The following ABCD3 variants were observed in gnomAD, a reference collection of about 807,000 sequenced individuals.
ABCD3 encodes ATP binding cassette subfamily D member 3.
A neutral mutation model predicts 105.5 loss-of-function variants in ABCD3; 41 were observed. The observed-to-expected ratio is 0.39, with a 90% CI of 0.30 to 0.50. The LOEUF is 0.50. ABCD3 is among the 20% of genes least tolerant of loss of function. The pLI, the probability that ABCD3 is intolerant of heterozygous loss-of-function variation, is 0.84. For synonymous variants in ABCD3, 258 were observed against 269.0 expected, an observed-to-expected ratio of 0.96 and a Z score of 0.40; for missense variants, 622 against 806.3, an observed-to-expected ratio of 0.77 and a Z score of 2.77.
intron 1 of ABCD3, among the ~76,000 whole-genome samples, chr1:94,434,376 A>G (rs111365688): frequency 3.3e-5 from 5 of 152,190 alleles, no homozygotes; most frequent in African/African-American, 1.2e-4. Flanking sequence ...ACACTCTAAT[A>G]TAATGATGAA....
At chr1:94,480,749 T>A in intron 9 of ABCD3, 143 bp downstream of exon 9, 1 of 906,744 alleles carries the variant, frequency 1.1e-6, no homozygotes. Context: ...TGAAAGAGAC[T>A]AGTTTTATAA....
chr1:94,485,285 G>A (rs758602274), intron 10 of ABCD3, among the ~76,000 whole-genome samples: 8 of 152,174 alleles, frequency 5.3e-5, no homozygotes, highest in Non-Finnish European at 1.2e-4. Context: ...CACTCCAGGT[G>A]CTAAGGATGA....
At chr1:94,450,365 ATC>A (rs1193779504) in intron 1 of ABCD3, among the ~76,000 whole-genome samples, 1 of 152,178 alleles carries the variant, frequency 6.6e-6, no homozygotes, top group African/African-American at 2.4e-5. Flanking sequence ...CATAAACAAA[ATC>A]TCTGCAGTAC....
rs762615705 is a variant in ABCD3 at position 94,478,326 on chromosome 1, T to C, written c.684+11T>C. 6.9e-6 allele frequency: 11 copies of C among 1,587,890 alleles called. No individual in the cohort carries two copies. Among genetic ancestry groups the C allele is most frequent in the Non-Finnish European group, 8.6e-6 (10 of 1,158,446 alleles). On this transcript the variant is annotated intron_variant, in intron 8 of 22. Coordinates refer to ENST00000370214, the MANE Select transcript of ABCD3 (RefSeq NM_002858.4). ...GCAATTGGAGCTCAGGTGAGTCTGC[T>C]TTTATTTCAACTTTTAAATTGATAT... is the stretch of plus-strand genomic sequence containing the variant.
In ABCD3 at chr1:94,518,135, T is replaced by C. The variant is rs1651011319; in HGVS notation, c.*1006T>C. On this transcript the variant is annotated 3_prime_UTR_variant, in exon 23 of 23. Coordinates refer to ENST00000370214, the MANE Select transcript of ABCD3 (RefSeq NM_002858.4). ...GGTGAATTATGTTTCCGAGGCACTG[T>C]TTTATCTCTGTGAATCTTGAATAAC... is the stretch of plus-strand genomic sequence containing the variant. The C allele has an allele frequency of 6.6e-6, 1 of 152,180 alleles. No homozygotes were observed. Among genetic ancestry groups the C allele is most frequent in the African/African-American group, 2.4e-5 (1 of 41,422 alleles). The allele number at this position is 152,180 out of a possible 1,614,324, so 9.4% of individuals were successfully genotyped here.
chr1:94,409,058 AATCATATATC>A, the ABCD3 span, among the ~76,000 whole-genome samples: 1 of 151,922 alleles, frequency 6.6e-6, no homozygotes, highest in African/African-American at 2.4e-5. Context: ...TTTTACACTG[AATCATATATC>A]ATCTGGGGGG....
intron 1 of ABCD3, among the ~76,000 whole-genome samples, chr1:94,425,093 A>G (rs1659412339): frequency 1.3e-5 from 2 of 152,176 alleles, no homozygotes; most frequent in African/African-American, 4.8e-5. Context: ...GAGCTGGACC[A>G]CTTATACCCC....
At chr1:94,482,704 G>A (rs188707434) in intron 9 of ABCD3, 25 of 165,358 alleles carry the variant, frequency 1.5e-4, no homozygotes, top group Middle Eastern at 2.9e-3. Context: ...CTTTGAAGCC[G>A]GTGGGACTTA....
At chr1:94,476,897 C>G (rs553495208) in intron 7 of ABCD3, among the ~76,000 whole-genome samples, 2 of 151,892 alleles carry the variant, frequency 1.3e-5, no homozygotes, top group African/African-American at 2.4e-5. Flanking sequence ...TTCTCTCTCT[C>G]TCTGTCTCTG....
intron 16 of ABCD3, among the ~76,000 whole-genome samples, chr1:94,498,036 CTCTTTATCTT>C (rs1188887232): frequency 2.6e-5 from 4 of 152,072 alleles, no homozygotes; most frequent in Non-Finnish European, 5.9e-5. Context: ...AACTTTATCT[CTCTTTATCTT>C]AAGTTGATGA....
chr1:94,506,938 TGA>T (rs1251599850), intron 21 of ABCD3, among the ~76,000 whole-genome samples: 1 of 151,890 alleles, frequency 6.6e-6, no homozygotes, highest in Non-Finnish European at 1.5e-5. Flanking sequence ...TATATATAAA[TGA>T]GTTACAAAAG....
chr1:94,424,873 G>T (rs1323934736), intron 1 of ABCD3, among the ~76,000 whole-genome samples: 2 of 152,108 alleles, frequency 1.3e-5, no homozygotes, highest in Admixed American at 1.3e-4. Flanking sequence ...TTCCACAAAG[G>T]CAAGAATTTT....
At chr1:94,422,211 A>G (rs1468384818) in intron 1 of ABCD3, among the ~76,000 whole-genome samples, 1 of 152,202 alleles carries the variant, frequency 6.6e-6, no homozygotes, top group Non-Finnish European at 1.5e-5. Flanking sequence ...GTGGACTGGT[A>G]CAGGTTGGTG....
intron 8 of ABCD3, among the ~76,000 whole-genome samples, chr1:94,479,113 G>A (rs974530467): frequency 6.6e-6 from 1 of 152,050 alleles, no homozygotes; most frequent in African/African-American, 2.4e-5. Flanking sequence ...CAAAACACTG[G>A]AAAAGCAGGG....
At position 94,518,189 on chromosome 1, in the gene ABCD3, C is replaced by T. The variant is rs571198163; in HGVS notation, c.*1060C>T. 2.6e-4 allele frequency: 40 copies of T among 152,232 alleles called. No homozygotes were observed. The highest frequency in any genetic ancestry group is 7.5e-4 in the African/African-American group (31 of 41,464). 9.4% of individuals were successfully genotyped at this position (152,232 alleles called of 1,614,324 possible). On this transcript the variant is annotated 3_prime_UTR_variant, in exon 23 of 23. Transcript: ENST00000370214. ...TTTATATTTGGGTTATGATGTCAAA[C>T]GATCCTAAGCGAAGATGATTTCAGT...
intron 21 of ABCD3, chr1:94,513,485 G>A (rs1488849208): frequency 6.6e-6 from 1 of 152,064 alleles, no homozygotes; most frequent in Non-Finnish European, 1.5e-5. Context: ...ATGATGAGGT[G>A]TGAATTCCTT....
At chr1:94,468,672 A>G (rs1443448372) in intron 4 of ABCD3, among the ~76,000 whole-genome samples, 1 of 152,200 alleles carries the variant, frequency 6.6e-6, no homozygotes, top group Non-Finnish European at 1.5e-5. Flanking sequence ...ATTTCCTGGT[A>G]TGCAGTATTT....
chr1:94,478,572 C>G, intron 8 of ABCD3: 4 of 1,586,522 alleles, frequency 2.5e-6, no homozygotes, highest in Non-Finnish European at 3.4e-6. Flanking sequence ...ATGTATTGGC[C>G]AGGCGTGGTG....
At chr1:94,469,302 G>T (rs997158249) in intron 4 of ABCD3, among the ~76,000 whole-genome samples, 1 of 151,824 alleles carries the variant, frequency 6.6e-6, no homozygotes, top group Admixed American at 6.6e-5. Context: ...CTCCCTCCGT[G>T]CTCATCTTCT....
Sources: gnomAD v4.1 joint callset for allele counts (sites outside exome capture counted in the v4.1 genomes callset) on GRCh38, gnomAD v4.1.1 for gene constraint, MANE v1.5 for transcripts, NCBI Gene and HGNC (gene_info 2026-07-23, HGNC 2026-07-21) for gene names.